ARSG: variants seen among roughly 807,000 people sequenced by gnomAD.
ARSG encodes arylsulfatase G.
Under a neutral mutation model 50.5 loss-of-function variants are expected in ARSG, and 37 were observed. The ratio of observed to expected loss-of-function variants is 0.73; its 90% CI spans 0.56 to 0.96. ARSG has a LOEUF of 0.96. Among genes scored for constraint, ARSG ranks in the 50% least tolerant of loss-of-function variants. ARSG has a pLI of 0.00. For synonymous variants in ARSG, 225 were observed against 254.6 expected (o/e 0.88, Z 1.11); for missense variants, 629 against 675.3 (o/e 0.93, Z 0.76).
chr17:68,451,029 CTGAGCT>C, the ARSG span: 1 of 1,288,418 alleles, frequency 7.8e-7, no homozygotes, highest in Non-Finnish European at 1.0e-6. Context: ...GGCGCCCTCT[CTGAGCT>C]TGCATTGACA....
chr17:68,388,939 A>G (rs1262096806), intron 9 of ARSG, among the ~76,000 whole-genome samples: 15 of 148,284 alleles, frequency 1.0e-4, no homozygotes, highest in African/African-American at 2.3e-4. Flanking sequence ...AAAAAAAAAA[A>G]AAAAAAGAAA....
At chr17:68,339,916 A>G (rs2078193058) in intron 2 of ARSG, among the ~76,000 whole-genome samples, 1 of 152,166 alleles carries the variant, frequency 6.6e-6, no homozygotes, top group South Asian at 2.1e-4. Context: ...ACCACTCCCA[A>G]CACATCCACT....
the ARSG span, chr17:68,440,683 G>A: frequency 6.6e-6 from 1 of 152,126 alleles, no homozygotes. Context: ...TAATTGTTTG[G>A]CTGTAATTCT....
At chr17:68,421,320 C>A (rs2082754533), downstream of ARSG, 1 of 159,246 alleles carries the variant, frequency 6.3e-6, no homozygotes, top group African/African-American at 2.4e-5. Context: ...CAAAATGGGA[C>A]TCCCAAGTAA....
At chr17:68,315,267 C>T (rs917723917) in intron 2 of ARSG, among the ~76,000 whole-genome samples, 2 of 152,098 alleles carry the variant, frequency 1.3e-5, no homozygotes, top group Non-Finnish European at 2.9e-5. Flanking sequence ...GGAGGCCAGG[C>T]GTGGTGGTTC....
At chr17:68,346,986 C>T in intron 3 of ARSG, 139 bp from the exon 4 acceptor site, 2 of 1,540,566 alleles carry the variant, frequency 1.3e-6, no homozygotes, top group South Asian at 1.2e-5. Context: ...CTGGCTTGTA[C>T]ACCACATTGC....
chr17:68,440,955 G>T, the ARSG span: 1 of 152,182 alleles, frequency 6.6e-6, no homozygotes, highest in African/African-American at 2.4e-5. Flanking sequence ...CTACAAAAGG[G>T]AAGCATTTAT....
At chr17:68,382,151 A>G (rs1337458777) in intron 8 of ARSG, among the ~76,000 whole-genome samples, 1 of 152,062 alleles carries the variant, frequency 6.6e-6, no homozygotes. Flanking sequence ...GGGTTTCACC[A>G]TGTTAGGCTG....
rs1555764540 is a variant in ARSG at position 68,307,348 on chromosome 17, C to T, written c.-146C>T. The T allele has an allele frequency of 3.1e-6, 2 of 649,826 alleles. No individual in the cohort carries two copies. The highest frequency in any genetic ancestry group is 5.5e-6 in the Non-Finnish European group (2 of 364,610). 40.3% of individuals were successfully genotyped at this position (649,826 alleles called of 1,614,324 possible). A position where few individuals can be genotyped will look rare whatever the true frequency, so the allele number is the denominator to read the frequency against. On this transcript the variant is annotated 5_prime_UTR_variant, in exon 2 of 12. Transcript: ENST00000621439. ...CCTATAGCCGTTATCACTGCCATCA[C>T]CACTGCCACCAGCATCTTCTTGCAG...
chr17:68,438,691 C>G, the ARSG span, among the ~76,000 whole-genome samples: 6 of 152,248 alleles, frequency 3.9e-5, no homozygotes, highest in Non-Finnish European at 7.3e-5. Context: ...ACCTCCGCCT[C>G]TTTGGTTCAA....
intron 11 of ARSG, among the ~76,000 whole-genome samples, chr17:68,401,678 G>A (rs2081480143): frequency 6.6e-6 from 1 of 152,190 alleles, no homozygotes; most frequent in Non-Finnish European, 1.5e-5. Context: ...CTAGTGAGCT[G>A]GGAGCTCTCA....
chr17:68,358,434 A>T (rs1412428477), intron 6 of ARSG, among the ~76,000 whole-genome samples: 2 of 152,034 alleles, frequency 1.3e-5, no homozygotes, highest in African/African-American at 4.8e-5. Flanking sequence ...CACGTCTGTA[A>T]TCCCAGCACT....
chr17:68,426,810 C>T (rs1435537721), downstream of ARSG, among the ~76,000 whole-genome samples: 1 of 152,224 alleles, frequency 6.6e-6, no homozygotes, highest in Non-Finnish European at 1.5e-5. Flanking sequence ...GCTGGGATTA[C>T]AGGTGTGAGC....
At chr17:68,286,325 G>C (rs1028794724) in intron 1 of ARSG, among the ~76,000 whole-genome samples, 4 of 152,170 alleles carry the variant, frequency 2.6e-5, no homozygotes, top group Non-Finnish European at 5.9e-5. Context: ...ATTATTGAAT[G>C]TTAAAGCTGA....
At chr17:68,376,068 CT>C (rs2080127727) in intron 8 of ARSG, among the ~76,000 whole-genome samples, 1 of 152,072 alleles carries the variant, frequency 6.6e-6, no homozygotes, top group African/African-American at 2.4e-5. Context: ...TTCCAAAACA[CT>C]TTTATCACCT....
At chr17:68,278,603 GT>G (rs2075598725) in intron 1 of ARSG, among the ~76,000 whole-genome samples, 1 of 139,594 alleles carries the variant, frequency 7.2e-6, no homozygotes, top group Admixed American at 7.4e-5. Flanking sequence ...GCCAGCTAAT[GT>G]TTTTTCTTTT....
intron 1 of ARSG, among the ~76,000 whole-genome samples, chr17:68,298,451 T>C (rs1555759403): frequency 6.6e-6 from 1 of 151,732 alleles, no homozygotes; most frequent in Non-Finnish European, 1.5e-5. Context: ...AAAAATTAGC[T>C]GGGCATGGTG....
intron 2 of ARSG, among the ~76,000 whole-genome samples, chr17:68,310,808 C>T (rs1191876327): frequency 2.6e-5 from 4 of 152,226 alleles, no homozygotes; most frequent in African/African-American, 9.6e-5. Context: ...TCCTCACCTC[C>T]ATCAAGGTGA....
At chr17:68,339,991 G>A (rs1157039519) in intron 2 of ARSG, among the ~76,000 whole-genome samples, 2 of 152,138 alleles carry the variant, frequency 1.3e-5, no homozygotes, top group African/African-American at 4.8e-5. Flanking sequence ...GAAAATAGAT[G>A]AGGGTTGGGT....
Sources: gnomAD v4.1 joint callset for allele counts (sites outside exome capture counted in the v4.1 genomes callset) on GRCh38, gnomAD v4.1.1 for gene constraint, MANE v1.5 for transcripts, NCBI Gene and HGNC (gene_info 2026-07-23, HGNC 2026-07-21) for gene names.